Variants in AKT3 observed in about 807,000 individuals in gnomAD.
AKT3 encodes AKT serine/threonine kinase 3, also known as RAC-gamma serine/threonine-protein kinase.
Under a neutral mutation model 65.3 loss-of-function variants are expected in AKT3, and 15 were observed. The ratio of observed to expected loss-of-function variants is 0.23; its 90% CI spans 0.15 to 0.35. The LOEUF (loss-of-function observed/expected upper bound fraction) is 0.35. Ranked by LOEUF, AKT3 falls within the 10% of genes least tolerant of loss-of-function variation. The pLI, the probability that AKT3 is intolerant of heterozygous loss-of-function variation, is 1.00. For synonymous variants in AKT3, 206 were observed against 183.8 expected, an observed-to-expected ratio of 1.12 and a Z score of -0.98; for missense variants, 243 against 576.5, an observed-to-expected ratio of 0.42 and a Z score of 5.92.
chr1:243,655,113 T>G (rs765509151), intron 4 of AKT3, among the ~76,000 whole-genome samples: 8 of 152,152 alleles, frequency 5.3e-5, no homozygotes, highest in African/African-American at 1.9e-4. Context: ...TTCTTAATTA[T>G]TTTTATTTTC....
At chr1:243,800,298 G>A (rs920230407) in intron 2 of AKT3, among the ~76,000 whole-genome samples, 1 of 152,210 alleles carries the variant, frequency 6.6e-6, no homozygotes, top group Non-Finnish European at 1.5e-5. Context: ...TTACAGGGCT[G>A]TTGTGAGGCC....
chr1:243,765,155 T>C (rs774162996), intron 2 of AKT3, among the ~76,000 whole-genome samples: 1 of 152,060 alleles, frequency 6.6e-6, no homozygotes, highest in Non-Finnish European at 1.5e-5. Context: ...TCCTAAGTAT[T>C]TGAGATTATA....
intron 10 of AKT3, among the ~76,000 whole-genome samples, chr1:243,561,407 C>T (rs564717518): frequency 1.3e-5 from 2 of 152,058 alleles, no homozygotes; most frequent in Middle Eastern, 3.4e-3. Flanking sequence ...GAGGCCAGGA[C>T]GTATGTAGTT....
chr1:243,717,159 G>A (rs1294064979), intron 2 of AKT3, among the ~76,000 whole-genome samples: 1 of 152,050 alleles, frequency 6.6e-6, no homozygotes, highest in African/African-American at 2.4e-5. Flanking sequence ...ACCTCTTCCA[G>A]GCAATGCTAC....
At chr1:243,629,802 A>C (rs1410532751) in intron 6 of AKT3, among the ~76,000 whole-genome samples, 2 of 152,174 alleles carry the variant, frequency 1.3e-5, no homozygotes, top group Non-Finnish European at 2.9e-5. Flanking sequence ...CAAAAATAAA[A>C]ATAAAAAAGA....
intron 1 of AKT3, among the ~76,000 whole-genome samples, chr1:243,848,746 T>G: frequency 6.6e-6 from 1 of 152,230 alleles, no homozygotes; most frequent in Admixed American, 6.5e-5. Flanking sequence ...TAGCCTCAAC[T>G]AAAATCAAAG....
chr1:243,510,081 C>T (rs1340194521), intron 13 of AKT3, among the ~76,000 whole-genome samples: 1 of 152,164 alleles, frequency 6.6e-6, no homozygotes, highest in Non-Finnish European at 1.5e-5. Context: ...TTTACTTGCT[C>T]TAAAGGTACG....
At chr1:243,711,501 A>G (rs1393101746) in intron 2 of AKT3, among the ~76,000 whole-genome samples, 1 of 152,208 alleles carries the variant, frequency 6.6e-6, no homozygotes, top group Non-Finnish European at 1.5e-5. Context: ...TAAGGTTCCA[A>G]GAAACAACCT....
At chr1:243,848,451 C>T (rs1260641348) in intron 1 of AKT3, among the ~76,000 whole-genome samples, 1 of 152,168 alleles carries the variant, frequency 6.6e-6, no homozygotes, top group Non-Finnish European at 1.5e-5. Context: ...TTCGTTTATA[C>T]ATATTTTGCA....
chr1:243,527,942 G>A (rs866778047), intron 12 of AKT3, among the ~76,000 whole-genome samples: 1 of 138,768 alleles, frequency 7.2e-6, no homozygotes, highest in Non-Finnish European at 1.5e-5. Context: ...CACACAGAGA[G>A]AGAGAGAGAG....
At chr1:243,488,883 C>A in intron 13 of AKT3, 1 of 1,285,450 alleles carries the variant, frequency 7.8e-7, no homozygotes, top group Non-Finnish European at 1.1e-6. Flanking sequence ...CAGAGCCTGG[C>A]ACCTCAGGGT....
intron 6 of AKT3, among the ~76,000 whole-genome samples, chr1:243,616,539 A>G (rs542106707): frequency 6.6e-6 from 1 of 152,292 alleles, no homozygotes; most frequent in Non-Finnish European, 1.5e-5. Flanking sequence ...AACGAAAGGA[A>G]GACAACTGCT....
chr1:243,693,076 G>A (rs1572180844), intron 3 of AKT3, among the ~76,000 whole-genome samples: 1 of 150,534 alleles, frequency 6.6e-6, no homozygotes, highest in East Asian at 2.0e-4. Context: ...AATTAAGATT[G>A]GAAGTTCTCA....
At position 243,500,209 on chromosome 1, in the gene AKT3, T is replaced by TTTTC. The variant is rs1167168643; in HGVS notation, c.*5036_*5039dup. On this transcript the variant is annotated 3_prime_UTR_variant, in exon 14 of 14. Coordinates refer to ENST00000673466, the MANE Select transcript of AKT3 (RefSeq NM_005465.7). ...CCAAACTTTTTTTCCTGCCATTCAT[T>TTTTC]TTTCTTTTCATGATCTATATATCAA... is the stretch of plus-strand genomic sequence containing the variant. 3.8e-6 allele frequency: 1 copy of TTTTC among 261,412 alleles called. No homozygotes were observed. Among genetic ancestry groups the TTTTC allele is most frequent in the African/African-American group, 2.2e-5 (1 of 46,054 alleles). 16.2% of individuals were successfully genotyped at this position (261,412 alleles called of 1,614,324 possible). A position where few individuals can be genotyped will look rare whatever the true frequency, so the allele number is the denominator to read the frequency against.
At chr1:243,614,753 T>C (rs1053148218) in intron 7 of AKT3, among the ~76,000 whole-genome samples, 4 of 152,160 alleles carry the variant, frequency 2.6e-5, no homozygotes, top group African/African-American at 7.2e-5. Flanking sequence ...AATCTTTACA[T>C]TTAAGAAATT....
At chr1:243,693,246 A>T (rs1371742932) in intron 3 of AKT3, among the ~76,000 whole-genome samples, 2 of 24,116 alleles carry the variant, frequency 8.3e-5, no homozygotes, top group African/African-American at 3.9e-4. Flanking sequence ...ACAATTTGAT[A>T]TATATATATA....
At position 243,779,199 on chromosome 1, in the gene AKT3, G is replaced by C. The variant is rs140973143; in HGVS notation, c.46+63926C>G. Among the ~76,000 whole-genome samples the C allele has an allele frequency of 3.9e-3, 599 of 152,202 alleles. 4 individuals carry two copies. Among genetic ancestry groups the C allele is most frequent in the African/African-American group, 0.013 (557 of 41,530 alleles). On this transcript the variant is annotated intron_variant, in intron 2 of 13. Transcript: ENST00000673466. ...TTGCTGTTACACACAATAGTTGTAG[G>C]AATCACCTTGTATATATCACATAAC... is the stretch of plus-strand genomic sequence containing the variant.
At chr1:243,532,696 AT>A (rs1195347000) in intron 12 of AKT3, among the ~76,000 whole-genome samples, 2 of 152,134 alleles carry the variant, frequency 1.3e-5, no homozygotes, top group Admixed American at 6.5e-5. Context: ...TCCTCTTCAA[AT>A]TTTTGGAAGA....
At chr1:243,738,871 A>T (rs566707869) in intron 2 of AKT3, among the ~76,000 whole-genome samples, 1 of 152,332 alleles carries the variant, frequency 6.6e-6, no homozygotes, top group South Asian at 2.1e-4. Context: ...TCAATAAAAA[A>T]TAACATGCAT....
Sources: gnomAD v4.1 joint callset for allele counts (sites outside exome capture counted in the v4.1 genomes callset) on GRCh38, gnomAD v4.1.1 for gene constraint, MANE v1.5 for transcripts, NCBI Gene and HGNC (gene_info 2026-07-23, HGNC 2026-07-21) for gene names.